The following NBEAL1 variants were observed in gnomAD, a reference collection of about 807,000 sequenced individuals.
NBEAL1 encodes neurobeachin-like protein 1.
In NBEAL1, 273 loss-of-function variants were observed where a neutral mutation model predicts 351.3. That is an observed-to-expected ratio of 0.78 (90% confidence interval 0.70 to 0.86). The LOEUF (loss-of-function observed/expected upper bound fraction) is 0.86. Ranked by LOEUF, NBEAL1 falls within the 40% of genes least tolerant of loss-of-function variation. The pLI is 0.00. For synonymous variants in NBEAL1, 1,050 were observed against 1,086.4 expected (o/e 0.97, Z 0.66); for missense variants, 2,961 against 3,201.3 (o/e 0.92, Z 1.81).
At chr2:203,076,966 A>G (rs2061786236) in intron 7 of NBEAL1, among the ~76,000 whole-genome samples, 2 of 152,184 alleles carry the variant, frequency 1.3e-5, no homozygotes, top group Admixed American at 6.5e-5. Flanking sequence ...TAGAAAATGA[A>G]AGAGTTGGAC....
At chr2:203,054,171 A>G (rs2106085453) in intron 4 of NBEAL1, among the ~76,000 whole-genome samples, 1 of 152,276 alleles carries the variant, frequency 6.6e-6, no homozygotes, top group South Asian at 2.1e-4. Context: ...CACGCCTGTA[A>G]TCCCAGCACT....
At chr2:203,204,215 C>T (rs2065484343) in intron 51 of NBEAL1, among the ~76,000 whole-genome samples, 1 of 150,516 alleles carries the variant, frequency 6.6e-6, no homozygotes, top group South Asian at 2.1e-4. Flanking sequence ...GTGTGAGCCA[C>T]CGCACCCGGC....
intron 6 of NBEAL1, among the ~76,000 whole-genome samples, chr2:203,060,727 AT>A (rs1352412677): frequency 5.9e-5 from 9 of 152,224 alleles, no homozygotes; most frequent in Non-Finnish European, 8.8e-5. Context: ...GCAAAATATA[AT>A]TATAATAACA....
chr2:203,143,329 G>T (rs1487718882), intron 31 of NBEAL1, among the ~76,000 whole-genome samples: 2 of 152,164 alleles, frequency 1.3e-5, no homozygotes. Context: ...TATTACTCGG[G>T]AATTTTAAGG....
chr2:203,028,950 C>T lies in NBEAL1; in HGVS notation c.51+12515C>T, dbSNP rs575424683. Reference sequence around the variant, plus strand: ...ACCATCTATATCCTGGACCACAATGCGCCCTTTTGATAACTCGACTGACTT... The same window carrying T: ...ACCATCTATATCCTGGACCACAATGTGCCCTTTTGATAACTCGACTGACTT... On this transcript the variant is annotated intron_variant, in intron 2 of 55. Transcript: ENST00000683969. 8.5e-5 allele frequency among the ~76,000 whole-genome samples: 13 copies of T among 152,178 alleles called. 1 individual carries two copies. The highest frequency in any genetic ancestry group is 2.6e-4 in the Admixed American group (4 of 15,282).
At position 203,138,673 on chromosome 2, in the gene NBEAL1, A is replaced by G; in HGVS notation, c.4773A>G (p.Glu1591=). The G allele has an allele frequency of 6.2e-7, 1 of 1,613,252 alleles. No homozygotes were observed. The highest frequency in any genetic ancestry group is 1.1e-5 in the South Asian group (1 of 90,880). ...LFDCLSVCYS[E]SPVWVKLSQI... ...ACTGTCTGTCAGTCTGCTATTCTGA[A>G]AGTCCAGTATGGGTAAAACTCTCTC... is the stretch of plus-strand genomic sequence containing the variant. The change falls in exon 31 of 56, where the codon GAA becomes GAG. Residue 1591 remains glutamate, a synonymous_variant. Transcript: ENST00000683969.
intron 29 of NBEAL1, among the ~76,000 whole-genome samples, chr2:203,137,498 A>G (rs1368077685): frequency 6.6e-6 from 1 of 152,176 alleles, no homozygotes; most frequent in Non-Finnish European, 1.5e-5. Flanking sequence ...AAGGCATAAT[A>G]AGGCTTTCTT....
intron 34 of NBEAL1, among the ~76,000 whole-genome samples, chr2:203,151,239 C>G (rs1028762494): frequency 6.6e-6 from 1 of 151,856 alleles, no homozygotes; most frequent in Non-Finnish European, 1.5e-5. Flanking sequence ...GGCTGAGGCA[C>G]GAGAATCACT....
chr2:203,203,974 G>C lies in NBEAL1; in HGVS notation c.7506+1193G>C, dbSNP rs193141256. Reference sequence around the variant, plus strand: ...GGAGTCTTGCTCTGTCCTGAGCCCAGCTAGAGTGCAGTGGCGCAAGCTTGG... The same window carrying C: ...GGAGTCTTGCTCTGTCCTGAGCCCACCTAGAGTGCAGTGGCGCAAGCTTGG... On this transcript the variant is annotated intron_variant, in intron 51 of 55. Transcript: ENST00000683969. 1.6e-3 allele frequency among the ~76,000 whole-genome samples: 240 copies of C among 150,932 alleles called. 2 individuals carry two copies. Among genetic ancestry groups the C allele is most frequent in the Admixed American group, 0.013 (204 of 15,158 alleles).
rs371884590 is a variant in NBEAL1, at chr2:203,169,762, T to G, written c.6013T>G (p.Tyr2005Asp). 6.2e-7 allele frequency: 1 copy of G among 1,604,116 alleles called. No individual in the cohort carries two copies. Among genetic ancestry groups the G allele is most frequent in the African/African-American group, 1.3e-5 (1 of 74,512 alleles). ...NFKKEVRNKI[Y>D]SRLLSLHSPN... Reference sequence around the variant, plus strand: ...TTTTTTATAGGTTAGAAACAAAATATATAGCCGACTGTTGTCACTTCATTC... The same window carrying G: ...TTTTTTATAGGTTAGAAACAAAATAGATAGCCGACTGTTGTCACTTCATTC... The change falls in exon 39 of 56, where the codon TAT becomes GAT. Residue 2005 changes from tyrosine (Y) to aspartate (D), a missense_variant. Physicochemically the swap from Tyr to Asp is radical, Grantham distance 160 (BLOSUM62 -3). Transcript: ENST00000683969.
intron 6 of NBEAL1, among the ~76,000 whole-genome samples, chr2:203,066,630 C>T (rs545120022): frequency 7.4e-4 from 113 of 152,282 alleles, no homozygotes; most frequent in Middle Eastern, 3.4e-3. Context: ...CGGGACGGGG[C>T]GGCCTGGCAG....
At chr2:203,063,436 C>A (rs1415968039) in intron 6 of NBEAL1, among the ~76,000 whole-genome samples, 1 of 132,974 alleles carries the variant, frequency 7.5e-6, no homozygotes, top group Non-Finnish European at 1.6e-5. Flanking sequence ...GATGGCAAAA[C>A]CTGAAAGAAA....
At chr2:203,180,124 T>C (rs890485686) in intron 42 of NBEAL1, among the ~76,000 whole-genome samples, 4 of 152,186 alleles carry the variant, frequency 2.6e-5, no homozygotes, top group African/African-American at 9.6e-5. Context: ...TTTTCTCCAG[T>C]GTGATTTGGT....
intron 2 of NBEAL1, among the ~76,000 whole-genome samples, chr2:203,033,918 A>G (rs1438906626): frequency 6.6e-6 from 1 of 152,024 alleles, no homozygotes; most frequent in African/African-American, 2.4e-5. Flanking sequence ...TGATTCTTTG[A>G]AAACTTTTTT....
At chr2:203,183,990 A>C (rs569137380) in intron 44 of NBEAL1, among the ~76,000 whole-genome samples, 2 of 151,278 alleles carry the variant, frequency 1.3e-5, no homozygotes, top group East Asian at 3.9e-4. Flanking sequence ...AGGCAGGAGA[A>C]TCGCTTGAAC....
intron 27 of NBEAL1, among the ~76,000 whole-genome samples, chr2:203,134,636 A>T (rs2063155818): frequency 6.6e-6 from 1 of 152,196 alleles, no homozygotes; most frequent in Admixed American, 6.5e-5. Flanking sequence ...ACTTTGTGAT[A>T]AAATTGTCTT....
intron 18 of NBEAL1, among the ~76,000 whole-genome samples, chr2:203,121,736 T>C (rs2062836734): frequency 6.6e-6 from 1 of 152,042 alleles, no homozygotes; most frequent in South Asian, 2.1e-4. Flanking sequence ...AGCAGTGACC[T>C]ACTTTTCTAA....
Position 203,062,518 on chromosome 2 carries a change from G to A in NBEAL1, c.515+5065G>A. Reference sequence around the variant, plus strand: ...TAAGGCCTCTCAGAGCTGAGGAGAGGGAGCCCAAGCTAGGAGCGCAGCCCA... The same window carrying A: ...TAAGGCCTCTCAGAGCTGAGGAGAGAGAGCCCAAGCTAGGAGCGCAGCCCA... On this transcript the variant is annotated intron_variant, in intron 6 of 55. Transcript: ENST00000683969. The surrounding 1 kb of genome is among the most constrained non-coding windows in gnomAD (Gnocchi z 4.2). The A allele has an allele frequency of 4.0e-6, 1 of 247,110 alleles. No individual in the cohort carries two copies. The highest frequency in any genetic ancestry group is 4.3e-5 in the South Asian group (1 of 23,354). 15.3% of individuals were successfully genotyped at this position (247,110 alleles called of 1,614,324 possible).
chr2:203,034,444 A>G (rs1574873855), intron 2 of NBEAL1, among the ~76,000 whole-genome samples: 1 of 142,334 alleles, frequency 7.0e-6, no homozygotes, highest in Non-Finnish European at 1.5e-5. Flanking sequence ...TGTGTGAGTC[A>G]CCACACCCGG....
Sources: gnomAD v4.1 joint callset for allele counts (sites outside exome capture counted in the v4.1 genomes callset) on GRCh38, gnomAD v4.1.1 for gene constraint, Gnocchi (gnomAD v3.1) non-coding constraint, MANE v1.5 for transcripts, NCBI Gene and HGNC (gene_info 2026-07-23, HGNC 2026-07-21) for gene names.